SHISA9: variants seen among roughly 807,000 people sequenced by gnomAD.
SHISA9 encodes the protein protein shisa-9.
Under a neutral mutation model 38.0 loss-of-function variants are expected in SHISA9, and 13 were observed. That is an observed-to-expected ratio of 0.34 (90% CI 0.22 to 0.54). The LOEUF (loss-of-function observed/expected upper bound fraction) is 0.54, where lower values mean the gene tolerates loss of function less well. Ranked by LOEUF, SHISA9 falls within the 20% of genes least tolerant of loss-of-function variation. The pLI is 0.91. For missense variants in SHISA9, 538 were observed against 575.8 expected (o/e 0.93, Z 0.67); for synonymous variants, 275 against 242.0 (o/e 1.14, Z -1.27).
the SHISA9 span, among the ~76,000 whole-genome samples, chr16:13,454,501 C>T: frequency 1.4e-4 from 21 of 152,206 alleles, no homozygotes; most frequent in Non-Finnish European, 2.9e-4. Context: ...ATTCACCTAT[C>T]TCTCACAATA....
the SHISA9 span, among the ~76,000 whole-genome samples, chr16:13,453,325 C>A: frequency 1.1e-4 from 16 of 152,316 alleles, no homozygotes; most frequent in East Asian, 3.9e-4. Context: ...AATTAATGGC[C>A]TACCTTTATC....
chr16:12,969,347 ATTT>A (rs112758862), intron 2 of SHISA9, among the ~76,000 whole-genome samples: 1 of 137,198 alleles, frequency 7.3e-6, no homozygotes, highest in Non-Finnish European at 1.6e-5. Context: ...TTGGGAGATG[ATTT>A]TTTTTTTTTT....
the SHISA9 span, chr16:13,350,326 T>C: frequency 6.6e-6 from 1 of 152,416 alleles, no homozygotes; most frequent in East Asian, 1.9e-4. Flanking sequence ...CTTCTTTGGT[T>C]CTGAGGCCGT....
chr16:13,311,074 G>A, the SHISA9 span, among the ~76,000 whole-genome samples: 5 of 152,048 alleles, frequency 3.3e-5, no homozygotes, highest in African/African-American at 1.2e-4. Flanking sequence ...TAAAACCCAA[G>A]AGTGAGAATG....
At chr16:13,310,285 G>A in the SHISA9 span, among the ~76,000 whole-genome samples, 48 of 151,986 alleles carry the variant, frequency 3.2e-4, no homozygotes, top group Admixed American at 2.9e-3. Context: ...GACTGGAGGT[G>A]GGCTTTTAAA....
At chr16:13,416,700 T>C in the SHISA9 span, among the ~76,000 whole-genome samples, 156 of 145,576 alleles carry the variant, frequency 1.1e-3, 1 homozygote, top group African/African-American at 3.6e-3. Context: ...TGACCTTGTC[T>C]CTGAAAAAGA....
At chr16:13,409,181 A>G in the SHISA9 span, among the ~76,000 whole-genome samples, 1 of 152,132 alleles carries the variant, frequency 6.6e-6, no homozygotes, top group African/African-American at 2.4e-5. Flanking sequence ...CGGCCGCTAG[A>G]TGGCCAAACT....
the SHISA9 span, among the ~76,000 whole-genome samples, chr16:13,558,042 C>G: frequency 6.6e-6 from 1 of 152,064 alleles, no homozygotes; most frequent in Admixed American, 6.5e-5. Context: ...GCCTGGGTGA[C>G]AGAGACCAAA....
intron 2 of SHISA9, among the ~76,000 whole-genome samples, chr16:13,062,920 C>T (rs572137724): frequency 1.3e-5 from 2 of 151,724 alleles, no homozygotes; most frequent in East Asian, 3.9e-4. Flanking sequence ...AGGGAGAGAC[C>T]ACAGTGGCGA....
the SHISA9 span, among the ~76,000 whole-genome samples, chr16:13,408,660 G>A: frequency 6.6e-6 from 1 of 152,250 alleles, no homozygotes; most frequent in Admixed American, 6.5e-5. Context: ...TTTCATATAT[G>A]AGTTGTATAC....
chr16:13,397,748 T>C, the SHISA9 span, among the ~76,000 whole-genome samples: 12 of 152,260 alleles, frequency 7.9e-5, no homozygotes, highest in East Asian at 5.8e-4. Context: ...TGTGCTCTTC[T>C]AGTTTAGCCA....
chr16:13,077,825 A>C (rs1425809648), intron 2 of SHISA9, among the ~76,000 whole-genome samples: 1 of 152,256 alleles, frequency 6.6e-6, no homozygotes, highest in Non-Finnish European at 1.5e-5. Flanking sequence ...AGCCTTAGTC[A>C]ATTTGGATTA....
the SHISA9 span, among the ~76,000 whole-genome samples, chr16:13,260,357 C>A: frequency 6.6e-6 from 1 of 152,014 alleles, no homozygotes; most frequent in African/African-American, 2.4e-5. Context: ...GCAAATTTTC[C>A]AAACTTTTAA....
the SHISA9 span, among the ~76,000 whole-genome samples, chr16:13,394,970 G>GTGTGTGT: frequency 8.7e-6 from 1 of 114,870 alleles, no homozygotes. Flanking sequence ...TGTGTGTGTG[G>GTGTGTGT]CTGTTTGTGT....
chr16:12,916,540 AC>A (rs547634220), intron 1 of SHISA9, 147 bp from the exon 2 acceptor site: 14 of 898,734 alleles, frequency 1.6e-5, no homozygotes, highest in Admixed American at 3.4e-5. Context: ...TTATTTACTT[AC>A]GTTTTTCTCT....
chr16:13,485,941 C>A, the SHISA9 span, among the ~76,000 whole-genome samples: 1 of 152,136 alleles, frequency 6.6e-6, no homozygotes, highest in East Asian at 1.9e-4. Context: ...ACCTTTGGTT[C>A]CATTCATATT....
chr16:12,990,277 A>G (rs993622382), intron 2 of SHISA9, among the ~76,000 whole-genome samples: 9 of 152,300 alleles, frequency 5.9e-5, no homozygotes, highest in African/African-American at 1.7e-4. Context: ...CAAATGACTT[A>G]TATTCCTTTG....
At chr16:13,487,627 T>A in the SHISA9 span, among the ~76,000 whole-genome samples, 1 of 152,234 alleles carries the variant, frequency 6.6e-6, no homozygotes, top group Non-Finnish European at 1.5e-5. Context: ...TAATTCAACA[T>A]GAGATTTGGG....
chr16:13,372,064 G>T, the SHISA9 span, among the ~76,000 whole-genome samples: 1 of 152,166 alleles, frequency 6.6e-6, no homozygotes, highest in South Asian at 2.1e-4. Context: ...TGATCTTATT[G>T]GAGCTCCTAC....
Sources: allele counts gnomAD v4.1 joint callset (sites outside exome capture counted in the v4.1 genomes callset), GRCh38; gene constraint gnomAD v4.1.1; transcripts MANE v1.5; gene names NCBI Gene and HGNC (gene_info 2026-07-23, HGNC 2026-07-21).